The following RAB6B variants were observed in gnomAD, a reference collection of about 807,000 sequenced individuals.
RAB6B encodes the protein ras-related protein Rab-6B.
RAB6B carries 7 observed loss-of-function variants against 31.2 expected under a neutral mutation model. The observed-to-expected ratio is 0.22, with a 90% confidence interval of 0.13 to 0.42. The LOEUF is 0.42. RAB6B is among the 10% of genes least tolerant of loss of function. The probability of loss-of-function intolerance (pLI) is 1.00; values close to 1 mark genes in which losing one functional copy is unlikely to be tolerated. For synonymous variants in RAB6B, 105 were observed against 104.9 expected (o/e 1.00, Z -0.01); for missense variants, 149 against 280.6 (o/e 0.53, Z 3.35).
chr3:133,873,758 T>C (rs1265385796), intron 1 of RAB6B, among the ~76,000 whole-genome samples: 1 of 152,208 alleles, frequency 6.6e-6, no homozygotes, highest in African/African-American at 2.4e-5. Flanking sequence ...ATACCCTGCA[T>C]AGTCAAAAAT....
intron 1 of RAB6B, among the ~76,000 whole-genome samples, chr3:133,891,571 C>A (rs1447441838): frequency 6.6e-6 from 1 of 152,072 alleles, no homozygotes; most frequent in Non-Finnish European, 1.5e-5. Flanking sequence ...GTAATTATAT[C>A]CACAAATGTC....
chr3:133,873,046 G>A (rs550864529), intron 1 of RAB6B, among the ~76,000 whole-genome samples: 11 of 152,104 alleles, frequency 7.2e-5, no homozygotes, highest in South Asian at 2.1e-4. Context: ...TGAGTGCCCC[G>A]TCTCACTATC....
intron 2 of RAB6B, among the ~76,000 whole-genome samples, chr3:133,852,903 A>G (rs1194005971): frequency 6.6e-6 from 1 of 152,206 alleles, no homozygotes; most frequent in African/African-American, 2.4e-5. Flanking sequence ...GGAGCCATGC[A>G]TGGTATTTCC....
At chr3:133,841,239 G>T (rs758870961) in intron 4 of RAB6B, 46 bp downstream of exon 4, 5 of 1,591,824 alleles carry the variant, frequency 3.1e-6, no homozygotes, top group Non-Finnish European at 4.3e-6. Context: ...CCTGGGCCCT[G>T]GACCCCCTAT....
chr3:133,840,466 A>T (rs905597679), intron 4 of RAB6B, among the ~76,000 whole-genome samples: 1 of 152,166 alleles, frequency 6.6e-6, no homozygotes, highest in Non-Finnish European at 1.5e-5. Context: ...ACCTGCACTC[A>T]GGTGTGGAGG....
chr3:133,841,359 T>C lies in RAB6B; in HGVS notation c.215A>G (p.Gln72Arg). Reference protein sequence around the residue: ...VRLQLWDTAGQERFRSLIPSY... With the variant: ...VRLQLWDTAGRERFRSLIPSY... ...GGGGATCAGGCTGCGGAACCTCTCC[T>C]GACCAGCTGTGTCCCAGAGCTGCAG... is the stretch of plus-strand genomic sequence containing the variant. Residue 72 changes from glutamine to arginine, a missense_variant, in exon 4 of 8, where the codon CAG becomes CGG. This residue lies in a region of RAB6B where 75 missense variants were observed against 180.1 expected (regional missense o/e 0.42). Coordinates refer to ENST00000285208, the MANE Select transcript of RAB6B (RefSeq NM_016577.4). The C allele has an allele frequency of 6.2e-7, 1 of 1,614,110 alleles. No homozygotes were observed. The highest frequency in any genetic ancestry group is 8.5e-7 in the Non-Finnish European group (1 of 1,180,006).
At position 133,839,496 on chromosome 3, in the gene RAB6B, T is replaced by C. The variant is rs1376477375; in HGVS notation, c.401+10A>G. 1 of 1,605,090 alleles carries C rather than the reference T, an allele frequency of 6.2e-7. No individual in the cohort carries two copies. Among genetic ancestry groups the C allele is most frequent in the East Asian group, 2.2e-5 (1 of 44,832 alleles). On this transcript the variant is annotated intron_variant, in intron 5 of 7. Transcript: ENST00000285208. ...GGTGGCACCCTGCACCTGTGTGCCC[T>C]TGCACCTACCTCTTATCAGCCAGGT...
rs1053330767 is a variant in RAB6B, at chr3:133,895,650, G to A, written c.-184C>T. The A allele has an allele frequency of 4.1e-6, 2 of 490,230 alleles. No homozygotes were observed. Among genetic ancestry groups the A allele is most frequent in the African/African-American group, 2.0e-5 (1 of 49,664 alleles). The allele number at this position is 490,230 out of a possible 1,614,324, so 30.4% of individuals were successfully genotyped here. A position where few individuals can be genotyped will look rare whatever the true frequency, so the allele number is the denominator to read the frequency against. ...GGCCTGCGGCTGCGTGTCCGGCGGC[G>A]GAGGAGGAGGAGGAGAGAGAGGCGG... On this transcript the variant is annotated 5_prime_UTR_variant, in exon 1 of 8. Coordinates refer to ENST00000285208, the MANE Select transcript of RAB6B (RefSeq NM_016577.4).
At chr3:133,869,556 T>C (rs76040167) in intron 1 of RAB6B, among the ~76,000 whole-genome samples, 1,654 of 152,362 alleles carry the variant, frequency 0.011, 36 homozygotes, top group African/African-American at 0.038. Context: ...CATAGTGGGC[T>C]CATAAAATAT....
intron 1 of RAB6B, among the ~76,000 whole-genome samples, chr3:133,873,411 T>C (rs899241437): frequency 6.6e-6 from 1 of 152,060 alleles, no homozygotes; most frequent in Admixed American, 6.5e-5. Context: ...TCCTCCTGCT[T>C]TTTTTCCCCC....
chr3:133,832,393 T>C (rs899991546), intron 7 of RAB6B, among the ~76,000 whole-genome samples: 7 of 152,022 alleles, frequency 4.6e-5, no homozygotes, highest in Non-Finnish European at 8.8e-5. Context: ...GCCCCCCATC[T>C]AGACCTGCAA....
intron 2 of RAB6B, among the ~76,000 whole-genome samples, chr3:133,863,633 T>G (rs995480711): frequency 1.4e-4 from 21 of 152,124 alleles, no homozygotes; most frequent in Non-Finnish European, 3.1e-4. Flanking sequence ...AGCAGTAGAT[T>G]TACTTTTGTT....
intron 2 of RAB6B, among the ~76,000 whole-genome samples, chr3:133,863,683 C>T (rs1253193919): frequency 6.6e-6 from 1 of 152,142 alleles, no homozygotes; most frequent in Non-Finnish European, 1.5e-5. Context: ...TCTGAACCCA[C>T]CACCCCCTAC....
intron 1 of RAB6B, among the ~76,000 whole-genome samples, chr3:133,872,868 C>T (rs892595060): frequency 2.0e-5 from 3 of 152,168 alleles, no homozygotes; most frequent in Non-Finnish European, 2.9e-5. Context: ...TGGGCCTCAC[C>T]CAGGGATCCA....
chr3:133,849,733 GT>G (rs1313547273), intron 2 of RAB6B, among the ~76,000 whole-genome samples: 2 of 152,136 alleles, frequency 1.3e-5, no homozygotes, highest in Non-Finnish European at 2.9e-5. Context: ...ATTTCTGGGG[GT>G]CACAAACTAT....
intron 2 of RAB6B, among the ~76,000 whole-genome samples, chr3:133,862,498 C>T (rs1266922669): frequency 6.6e-6 from 1 of 152,188 alleles, no homozygotes. Context: ...GAAAGGGCCT[C>T]GCTGCTCAGA....
chr3:133,892,072 C>T (rs1444339464), intron 1 of RAB6B, among the ~76,000 whole-genome samples: 2 of 152,156 alleles, frequency 1.3e-5, no homozygotes, highest in Non-Finnish European at 2.9e-5. Context: ...AGGAGGAAGA[C>T]GTGGGTCCCA....
In RAB6B at chr3:133,864,578, C is replaced by A. The variant is rs200646862; in HGVS notation, c.129+6G>T. On this transcript the variant is annotated splice_donor_region_variant and intron_variant, in intron 2 of 7. Coordinates refer to ENST00000285208, the MANE Select transcript of RAB6B (RefSeq NM_016577.4). Reference sequence around the variant, plus strand: ...TGATATGGAGGGTGAGCACCCAGGACCTCACCTGGTATGTGTTGTCGAAGC... The same window carrying A: ...TGATATGGAGGGTGAGCACCCAGGAACTCACCTGGTATGTGTTGTCGAAGC... The A allele has an allele frequency of 1.1e-4, 170 of 1,613,222 alleles. No homozygotes were observed. Among genetic ancestry groups the A allele is most frequent in the Non-Finnish European group, 1.4e-4 (163 of 1,179,270 alleles).
At chr3:133,876,514 A>G (rs1041590362) in intron 1 of RAB6B, among the ~76,000 whole-genome samples, 2 of 152,336 alleles carry the variant, frequency 1.3e-5, no homozygotes, top group South Asian at 2.1e-4. Flanking sequence ...AAGTTATGTA[A>G]GCTAAAAAGA....
Sources: allele counts gnomAD v4.1 joint callset (sites outside exome capture counted in the v4.1 genomes callset), GRCh38; gene constraint gnomAD v4.1.1; regional missense constraint gnomAD v4.1.1; transcripts MANE v1.5; gene names NCBI Gene and HGNC (gene_info 2026-07-23, HGNC 2026-07-21).